STK32B: variants seen among roughly 807,000 people sequenced by gnomAD.
The protein encoded by STK32B is serine/threonine kinase 32B, also known as serine/threonine-protein kinase 32B.
A neutral mutation model predicts 52.6 loss-of-function variants in STK32B; 43 were observed. The ratio of observed to expected loss-of-function variants is 0.82; its 90% CI spans 0.64 to 1.05. The LOEUF is 1.05. Ranked by LOEUF, STK32B falls within the 50% of genes least tolerant of loss-of-function variation. STK32B has a pLI of 0.00. For missense variants in STK32B, 621 were observed against 534.6 expected (o/e 1.16, Z -1.59); for synonymous variants, 238 against 204.3 (o/e 1.17, Z -1.41).
At position 5,362,302 on chromosome 4, in the gene STK32B, C is replaced by T. The variant is rs1217117034; in HGVS notation, c.434+30909C>T. On this transcript the variant is annotated intron_variant, in intron 4 of 11. Transcript: ENST00000282908. ...GAATAAATTTCAGCCTTTATGCACT[C>T]ATGATCTATTTGTAAATTGTCAAGT... Among the ~76,000 whole-genome samples the T allele has an allele frequency of 2.0e-5, 3 of 152,330 alleles. No homozygotes were observed. The East Asian group carries it at 5.8e-4, about 29-fold the overall frequency.
At chr4:5,023,003 G>GTGTGTGTGTGTGTGTGTATA in the STK32B span, among the ~76,000 whole-genome samples, 1 of 150,900 alleles carries the variant, frequency 6.6e-6, no homozygotes, top group East Asian at 2.0e-4. Context: ...ATGAAGGCAT[G>GTGTGTGTGTGTGTGTGTATA]TGTGTGTGTG....
chr4:5,170,654 G>A (rs960989194), intron 3 of STK32B, among the ~76,000 whole-genome samples: 3 of 152,152 alleles, frequency 2.0e-5, no homozygotes, highest in Non-Finnish European at 4.4e-5. Flanking sequence ...ATTTTTAATG[G>A]CTGCATAGTA....
intron 4 of STK32B, among the ~76,000 whole-genome samples, chr4:5,369,869 T>C (rs1735114270): frequency 6.6e-6 from 1 of 151,036 alleles, no homozygotes; most frequent in African/African-American, 2.5e-5. Context: ...GTATATTTTT[T>C]TTGTTTGTTT....
At chr4:5,334,819 G>T (rs80106380) in intron 4 of STK32B, among the ~76,000 whole-genome samples, 2 of 152,068 alleles carry the variant, frequency 1.3e-5, no homozygotes, top group Non-Finnish European at 2.9e-5. Context: ...GCATCCTGGG[G>T]ATGAAGCCCA....
At chr4:5,023,114 C>A in the STK32B span, among the ~76,000 whole-genome samples, 1 of 151,958 alleles carries the variant, frequency 6.6e-6, no homozygotes, top group Admixed American at 6.6e-5. Context: ...GGAGAAGAGG[C>A]CACAAGCCAA....
At chr4:5,485,604 C>T (rs937373601) in intron 11 of STK32B, among the ~76,000 whole-genome samples, 1 of 152,214 alleles carries the variant, frequency 6.6e-6, no homozygotes, top group Non-Finnish European at 1.5e-5. Flanking sequence ...GTCATTCTCC[C>T]TCCAGCTTTG....
chr4:5,425,699 A>G (rs1382441628), intron 6 of STK32B, among the ~76,000 whole-genome samples: 2 of 152,222 alleles, frequency 1.3e-5, no homozygotes, highest in African/African-American at 4.8e-5. Context: ...TTTAGTGTAT[A>G]GCTCTCTGAA....
intron 2 of STK32B, among the ~76,000 whole-genome samples, chr4:5,144,567 A>T (rs1188249888): frequency 1.3e-5 from 2 of 152,084 alleles, no homozygotes; most frequent in Admixed American, 6.5e-5. Context: ...TCACCATGTG[A>T]CATCTGTCAC....
At chr4:5,328,535 G>A (rs1371428280) in intron 3 of STK32B, among the ~76,000 whole-genome samples, 3 of 152,204 alleles carry the variant, frequency 2.0e-5, no homozygotes, top group Non-Finnish European at 4.4e-5. Context: ...AGTGGAGCAT[G>A]AGAACACATC....
At chr4:5,419,306 T>G (rs1402340049) in intron 6 of STK32B, among the ~76,000 whole-genome samples, 1 of 152,190 alleles carries the variant, frequency 6.6e-6, no homozygotes, top group Non-Finnish European at 1.5e-5. Flanking sequence ...TCCTCTCCCA[T>G]TTTTATCTGG....
intron 1 of STK32B, among the ~76,000 whole-genome samples, chr4:5,091,428 G>A (rs954320778): frequency 3.3e-5 from 5 of 152,004 alleles, no homozygotes; most frequent in African/African-American, 4.8e-5. Context: ...TTGAATAAAT[G>A]TTTCTCAAAA....
chr4:5,172,895 T>C (rs1057271474), intron 3 of STK32B, among the ~76,000 whole-genome samples: 7 of 152,202 alleles, frequency 4.6e-5, no homozygotes, highest in Non-Finnish European at 1.0e-4. Context: ...TACCAGTTCC[T>C]CCTTGTACCT....
At position 5,158,304 on chromosome 4, in the gene STK32B, C is replaced by T. The variant is rs148430015; in HGVS notation, c.109-9995C>T. The stretch of plus-strand genomic sequence containing the variant: ...CACCAAGGGGGCCAGTGGCACAGCG[C>T]GGGTCCTGGGGTCCCTGTGCCTTGC... On this transcript the variant is annotated intron_variant, in intron 2 of 11. Transcript: ENST00000282908. Among the ~76,000 whole-genome samples the T allele has an allele frequency of 9.9e-5, 15 of 152,238 alleles. No homozygotes were observed. The South Asian group carries it at 1.2e-3, about 13-fold the overall frequency.
chr4:5,279,636 C>A (rs1302771762), intron 3 of STK32B, among the ~76,000 whole-genome samples: 2 of 152,200 alleles, frequency 1.3e-5, no homozygotes, highest in Non-Finnish European at 2.9e-5. Context: ...TGTATTGGAG[C>A]TCCAACCCCA....
chr4:5,202,828 G>A (rs1048582691), intron 3 of STK32B, among the ~76,000 whole-genome samples: 5 of 152,234 alleles, frequency 3.3e-5, no homozygotes, highest in Non-Finnish European at 7.3e-5. Context: ...TGGGTAAAAT[G>A]TAACTATTGA....
At chr4:5,443,563 C>T (rs1214105591) in intron 6 of STK32B, among the ~76,000 whole-genome samples, 4 of 152,178 alleles carry the variant, frequency 2.6e-5, no homozygotes, top group African/African-American at 9.7e-5. Flanking sequence ...CCTCCCATAG[C>T]TCAGAGTAAT....
At chr4:5,097,972 C>T (rs1046997975) in intron 1 of STK32B, among the ~76,000 whole-genome samples, 4 of 152,246 alleles carry the variant, frequency 2.6e-5, no homozygotes, top group Non-Finnish European at 5.9e-5. Flanking sequence ...CAGCTAGGTA[C>T]TGGCCAGTCT....
intron 4 of STK32B, among the ~76,000 whole-genome samples, chr4:5,347,878 C>T (rs1010434410): frequency 1.3e-5 from 2 of 152,248 alleles, no homozygotes; most frequent in African/African-American, 2.4e-5. Flanking sequence ...TCCTCCCCAG[C>T]CATGCAGAAC....
intron 5 of STK32B, among the ~76,000 whole-genome samples, chr4:5,415,892 A>G (rs195102): frequency 0.51 from 78,062 of 151,602 alleles, 21,904 homozygotes; most frequent in Middle Eastern, 0.67. Context: ...GTGTTTTCCC[A>G]TCTCTTGGTG....
Sources: allele counts gnomAD v4.1 joint callset (sites outside exome capture counted in the v4.1 genomes callset), GRCh38; gene constraint gnomAD v4.1.1; transcripts MANE v1.5; gene names NCBI Gene and HGNC (gene_info 2026-07-23, HGNC 2026-07-21).